FKBP5: variants seen among roughly 807,000 people sequenced by gnomAD.
FKBP5 encodes the protein FKBP prolyl isomerase 5.
FKBP5 carries 23 observed loss-of-function variants against 50.5 expected under a neutral mutation model. That is an observed-to-expected ratio of 0.46 (90% CI 0.33 to 0.65). The LOEUF (loss-of-function observed/expected upper bound fraction) is 0.65, where lower values mean the gene tolerates loss of function less well. FKBP5 is among the 30% of genes least tolerant of loss of function. The pLI is 0.02. For missense variants in FKBP5, 411 were observed against 553.1 expected (o/e 0.74, Z 2.58); for synonymous variants, 176 against 190.6 (o/e 0.92, Z 0.63).
chr6:35,580,965 CAAACACAGCCAATCCTAT>C (rs966794806), intron 8 of FKBP5: 3 of 985,152 alleles, frequency 3.0e-6, no homozygotes, highest in Non-Finnish European at 3.6e-6. Context: ...GTGCTAGTTC[CAAACACAGCCAATCCTAT>C]TTGAACCAGT....
At chr6:35,726,461 T>C (rs958278893) in intron 1 of FKBP5, among the ~76,000 whole-genome samples, 5 of 151,654 alleles carry the variant, frequency 3.3e-5, no homozygotes, top group Middle Eastern at 3.2e-3. Flanking sequence ...GCATGTGAAG[T>C]GCCTAGCGTG....
chr6:35,644,875 T>C lies in FKBP5; in HGVS notation c.-19-2032A>G, dbSNP rs146378623. ...GGGAAAATATATGCACACAAAAAAA[T>C]TTCCTGGGGATTCACAGAGATGCTG... is the stretch of plus-strand genomic sequence containing the variant. On this transcript the variant is annotated intron_variant, in intron 1 of 10. Transcript: ENST00000357266. Among the ~76,000 whole-genome samples the C allele has an allele frequency of 6.2e-4, 95 of 152,228 alleles. 1 individual carries two copies. In the East Asian group the frequency reaches 0.011, roughly 18 times the overall value.
intron 1 of FKBP5, among the ~76,000 whole-genome samples, chr6:35,669,634 G>A (rs1045595261): frequency 8.5e-5 from 13 of 152,174 alleles, no homozygotes; most frequent in Admixed American, 8.5e-4. Context: ...TTTGACAACA[G>A]TGGACATGAA....
intron 8 of FKBP5, chr6:35,585,301 T>C (rs577045284): frequency 7.6e-4 from 745 of 980,474 alleles, no homozygotes; most frequent in Middle Eastern, 3.7e-3. Flanking sequence ...TCTAGTGTAT[T>C]ATGTATTTGG....
chr6:35,627,907 A>T (rs913717556), intron 3 of FKBP5, among the ~76,000 whole-genome samples: 1 of 147,644 alleles, frequency 6.8e-6, no homozygotes, highest in African/African-American at 2.5e-5. Context: ...GATTATAGGC[A>T]TGCGCCACCA....
intron 6 of FKBP5, among the ~76,000 whole-genome samples, chr6:35,594,493 T>C (rs1042500269): frequency 2.0e-5 from 3 of 152,182 alleles, no homozygotes; most frequent in African/African-American, 7.2e-5. Flanking sequence ...GCAACAGCCA[T>C]ACTTATAGCA....
At chr6:35,582,915 T>C (rs887939032) in intron 8 of FKBP5, 43 of 901,518 alleles carry the variant, frequency 4.8e-5, no homozygotes, top group Non-Finnish European at 5.6e-5. Flanking sequence ...CAAAGGAATG[T>C]AAATATGGAA....
At chr6:35,578,655 C>A (rs1285579285) in intron 9 of FKBP5, among the ~76,000 whole-genome samples, 3 of 151,458 alleles carry the variant, frequency 2.0e-5, no homozygotes, top group Non-Finnish European at 2.9e-5. Context: ...GTGGTCTAAG[C>A]TACTTGGGAG....
intron 2 of FKBP5, among the ~76,000 whole-genome samples, chr6:35,640,905 T>G (rs1318859124): frequency 6.6e-6 from 1 of 152,194 alleles, no homozygotes; most frequent in Admixed American, 6.5e-5. Context: ...GTAACATGCA[T>G]GGAGCTGCTG....
intron 6 of FKBP5, among the ~76,000 whole-genome samples, chr6:35,593,605 C>T (rs1196860819): frequency 1.3e-5 from 2 of 152,058 alleles, no homozygotes; most frequent in Non-Finnish European, 2.9e-5. Flanking sequence ...CCCCAGGCAT[C>T]GTGCAGTGGC....
At chr6:35,693,098 AT>A (rs1259994910), upstream of FKBP5, among the ~76,000 whole-genome samples, 3 of 145,312 alleles carry the variant, frequency 2.1e-5, no homozygotes, top group Admixed American at 6.9e-5. Flanking sequence ...AAAAAAAAAA[AT>A]CTCATCTTAA....
intron 2 of FKBP5, among the ~76,000 whole-genome samples, chr6:35,697,981 C>G (rs1439530954): frequency 6.6e-6 from 1 of 152,208 alleles, no homozygotes; most frequent in Non-Finnish European, 1.5e-5. Context: ...CAACAACTAT[C>G]ATATTTACTC....
At chr6:35,612,922 G>A (rs1226470518) in intron 5 of FKBP5, among the ~76,000 whole-genome samples, 2 of 152,176 alleles carry the variant, frequency 1.3e-5, no homozygotes, top group African/African-American at 4.8e-5. Context: ...CACAACCTGT[G>A]GGAGTGAAAA....
At chr6:35,705,921 C>G (rs1188810613) in intron 2 of FKBP5, among the ~76,000 whole-genome samples, 1 of 152,130 alleles carries the variant, frequency 6.6e-6, no homozygotes, top group Non-Finnish European at 1.5e-5. Context: ...ACCAGCCTTG[C>G]CAACATGGCA....
intron 5 of FKBP5, among the ~76,000 whole-genome samples, chr6:35,604,982 C>T (rs1410635781): frequency 6.6e-6 from 1 of 152,056 alleles, no homozygotes; most frequent in Non-Finnish European, 1.5e-5. Context: ...GATGGGGTTT[C>T]ACCATGTTAG....
chr6:35,585,581 A>G, intron 8 of FKBP5: 1 of 985,210 alleles, frequency 1.0e-6, no homozygotes, highest in African/African-American at 1.7e-5. Flanking sequence ...TTATTCTATC[A>G]TACCCCCATG....
chr6:35,683,378 C>G (rs1765735209), intron 1 of FKBP5, among the ~76,000 whole-genome samples: 1 of 151,898 alleles, frequency 6.6e-6, no homozygotes, highest in South Asian at 2.1e-4. Context: ...TCTCTAACTC[C>G]TGGGCTCAAG....
At chr6:35,709,508 T>C (rs1037197237) in intron 2 of FKBP5, among the ~76,000 whole-genome samples, 2 of 152,232 alleles carry the variant, frequency 1.3e-5, no homozygotes, top group African/African-American at 2.4e-5. Context: ...TTTCACCATG[T>C]GCAAATATAA....
At chr6:35,642,032 T>G (rs1764507869) in intron 2 of FKBP5, among the ~76,000 whole-genome samples, 1 of 151,230 alleles carries the variant, frequency 6.6e-6, no homozygotes, top group South Asian at 2.1e-4. Context: ...TAAAATAAAA[T>G]AAAATAAAAC....
Sources: gnomAD v4.1 joint callset for allele counts (sites outside exome capture counted in the v4.1 genomes callset) on GRCh38, gnomAD v4.1.1 for gene constraint, MANE v1.5 for transcripts, NCBI Gene and HGNC (gene_info 2026-07-23, HGNC 2026-07-21) for gene names.